The following HPN variants were observed in gnomAD, a reference collection of about 807,000 sequenced individuals.
HPN encodes serine protease hepsin.
In HPN, 13 loss-of-function variants were observed where a neutral mutation model predicts 55.9. The observed-to-expected ratio is 0.23, with a 90% CI of 0.15 to 0.37. The LOEUF (loss-of-function observed/expected upper bound fraction) is 0.37. Among genes scored for constraint, HPN ranks in the 10% least tolerant of loss-of-function variants. HPN has a pLI of 1.00. For synonymous variants in HPN, 225 were observed against 240.3 expected (o/e 0.94, Z 0.59); for missense variants, 451 against 575.8 (o/e 0.78, Z 2.22).
intron 2 of HPN, among the ~76,000 whole-genome samples, chr19:35,044,484 G>A (rs904706527): frequency 1.3e-5 from 2 of 152,188 alleles, no homozygotes; most frequent in Non-Finnish European, 2.9e-5. Flanking sequence ...GCAGGGGTGG[G>A]ACTGTTTTGG....
upstream of HPN, chr19:35,041,550 G>T: frequency 1.2e-6 from 1 of 852,696 alleles, no homozygotes; most frequent in Non-Finnish European, 1.4e-6. Context: ...CCCGCAGACA[G>T]GCACACCTGG....
intron 2 of HPN, among the ~76,000 whole-genome samples, chr19:35,045,697 ACC>A (rs2064335147): frequency 1.4e-5 from 2 of 147,170 alleles, no homozygotes; most frequent in Non-Finnish European, 3.0e-5. Flanking sequence ...TGCGTCCCAC[ACC>A]CTGGGCCAGA....
At chr19:35,053,219 C>T (rs996432494) in intron 4 of HPN, among the ~76,000 whole-genome samples, 14 of 152,032 alleles carry the variant, frequency 9.2e-5, no homozygotes, top group African/African-American at 2.9e-4. Context: ...ATGTTCTCTC[C>T]CCACTCCCAT....
At chr19:35,054,265 A>G (rs2151760433) in intron 4 of HPN, among the ~76,000 whole-genome samples, 2 of 152,280 alleles carry the variant, frequency 1.3e-5, no homozygotes, top group Middle Eastern at 6.8e-3. Context: ...TAAGAACACA[A>G]AAGTTAGCCA....
intron 9 of HPN, among the ~76,000 whole-genome samples, chr19:35,061,322 T>C (rs958483056): frequency 6.6e-6 from 1 of 150,902 alleles, no homozygotes. Flanking sequence ...ATGGTGAAAC[T>C]CCATCTCTAC....
In HPN at chr19:35,041,804, C is replaced by T. The variant is rs1421639014; in HGVS notation, c.-123C>T. The T allele has an allele frequency of 3.0e-6, 4 of 1,335,430 alleles. No homozygotes were observed. The highest frequency in any genetic ancestry group is 3.9e-6 in the Non-Finnish European group (4 of 1,014,880). The allele number at this position is 1,335,430 out of a possible 1,614,324, so 82.7% of individuals were successfully genotyped here. ...CTGCTGCGGGGCCACCATGCTCCTG[C>T]CCAGGCCTGGAGACTGACCCGACCC... On this transcript the variant is annotated 5_prime_UTR_variant, in exon 1 of 13. Coordinates refer to ENST00000672452, the MANE Select transcript of HPN (RefSeq NM_001384133.1).
intron 2 of HPN, among the ~76,000 whole-genome samples, chr19:35,048,373 G>A (rs1363608054): frequency 1.3e-5 from 2 of 152,222 alleles, no homozygotes; most frequent in Non-Finnish European, 2.9e-5. Flanking sequence ...ATAGTTGTGG[G>A]ATTGAAATAA....
Position 35,060,415 on chromosome 19 carries a change from C to T in HPN, c.523C>T (p.Pro175Ser). 1 of 1,613,162 alleles carries T rather than the reference C, an allele frequency of 6.2e-7. No individual in the cohort carries two copies. The highest frequency in any genetic ancestry group is 1.3e-5 in the African/African-American group (1 of 75,064). Residue 175 changes from proline (P) to serine (S), a missense_variant, in exon 8 of 13, where the codon CCG becomes TCG. Physicochemically the swap from Pro to Ser is moderately conservative, Grantham distance 74. Transcript: ENST00000672452. ...CCGGGACACCAGCTTGGGCCGGTGG[C>T]CGTGGCAAGTCAGCCTTCGCTATGA... Reference protein sequence around the residue: ...GGRDTSLGRWPWQVSLRYDGA... With the variant: ...GGRDTSLGRWSWQVSLRYDGA...
At chr19:35,045,466 C>T (rs115113395) in intron 2 of HPN, among the ~76,000 whole-genome samples, 1,723 of 152,152 alleles carry the variant, frequency 0.011, 17 homozygotes, top group Middle Eastern at 0.037. Context: ...AGGTGTTACG[C>T]GTGGGGGTCT....
Position 35,060,805 on chromosome 19 carries a change from C to A in HPN, c.799C>A (p.Leu267Met). Reference protein sequence around the residue: ...DIALVHLSSPLPLTEYIQPVC... With the variant: ...DIALVHLSSPMPLTEYIQPVC... ...TGCCCTGGTCCACCTCTCCAGTCCCCTGCCCCTCACAGGTAAGTCTAAGGG... is the reference window on the plus strand; with the variant it reads ...TGCCCTGGTCCACCTCTCCAGTCCCATGCCCCTCACAGGTAAGTCTAAGGG... The change falls in exon 9 of 13, where the codon CTG becomes ATG. Residue 267 changes from leucine (L) to methionine (M), a missense_variant. Coordinates refer to ENST00000672452, the MANE Select transcript of HPN (RefSeq NM_001384133.1). 6.3e-7 allele frequency: 1 copy of A among 1,583,028 alleles called. No homozygotes were observed.
intron 4 of HPN, among the ~76,000 whole-genome samples, chr19:35,049,776 T>G (rs74734353): frequency 4.7e-5 from 7 of 149,218 alleles, no homozygotes; most frequent in Non-Finnish European, 7.4e-5. Flanking sequence ...GAAAACCATG[T>G]TTTTTTTTTA....
At position 35,060,430 on chromosome 19, in the gene HPN, C is replaced by T. The variant is rs1208026198; in HGVS notation, c.538C>T (p.Leu180Phe). The change falls in exon 8 of 13, where the codon CTT becomes TTT. Residue 180 changes from leucine (L) to phenylalanine (F), a missense_variant. Coordinates refer to ENST00000672452, the MANE Select transcript of HPN (RefSeq NM_001384133.1). The stretch of plus-strand genomic sequence containing the variant: ...GGGCCGGTGGCCGTGGCAAGTCAGC[C>T]TTCGCTATGATGGAGCACACCTCTG... ...SLGRWPWQVS[L>F]RYDGAHLCGG... 1.9e-6 allele frequency: 3 copies of T among 1,613,272 alleles called. No individual in the cohort carries two copies. Among genetic ancestry groups the T allele is most frequent in the Non-Finnish European group, 2.5e-6 (3 of 1,179,998 alleles).
At chr19:35,053,555 G>A (rs1266159944) in intron 4 of HPN, among the ~76,000 whole-genome samples, 1 of 152,108 alleles carries the variant, frequency 6.6e-6, no homozygotes, top group Non-Finnish European at 1.5e-5. Flanking sequence ...GACCAGCCTG[G>A]CCAACATGGC....
At chr19:35,056,670 G>A (rs909650924) in intron 4 of HPN, among the ~76,000 whole-genome samples, 3 of 152,022 alleles carry the variant, frequency 2.0e-5, no homozygotes, top group Non-Finnish European at 1.5e-5. Context: ...GACATTTTAT[G>A]GCCATCTGTC....
At chr19:35,060,558 G>T (rs2064518453) in intron 8 of HPN, 46 bp downstream of exon 8, 2 of 1,611,856 alleles carry the variant, frequency 1.2e-6, no homozygotes, top group African/African-American at 1.3e-5. Flanking sequence ...CAGAGGAGCG[G>T]AGAGACAGTG....
chr19:35,065,203 G>C (rs755983391), intron 9 of HPN, 47 bp from the exon 10 acceptor site: 1 of 1,394,184 alleles, frequency 7.2e-7, no homozygotes, highest in East Asian at 2.3e-5. Context: ...GTTTGTACCA[G>C]GTGGGGCAGG....
chr19:35,044,224 G>T (rs927834969), intron 2 of HPN, among the ~76,000 whole-genome samples: 4 of 152,230 alleles, frequency 2.6e-5, no homozygotes, highest in African/African-American at 9.7e-5. Context: ...GGCTGCAGCG[G>T]CTGCTGTTGT....
intron 4 of HPN, among the ~76,000 whole-genome samples, chr19:35,055,287 C>T (rs1414361764): frequency 1.4e-4 from 21 of 151,946 alleles, no homozygotes; most frequent in Non-Finnish European, 2.9e-5. Flanking sequence ...GTCCTAGCTA[C>T]TTGGGAGGTT....
intron 9 of HPN, among the ~76,000 whole-genome samples, chr19:35,063,642 G>C (rs1420617743): frequency 2.0e-5 from 3 of 152,334 alleles, no homozygotes; most frequent in Non-Finnish European, 4.4e-5. Flanking sequence ...CCAGGAGGTG[G>C]AGGTTGCAGT....
Sources: allele counts gnomAD v4.1 joint callset (sites outside exome capture counted in the v4.1 genomes callset), GRCh38; gene constraint gnomAD v4.1.1; transcripts MANE v1.5; gene names NCBI Gene and HGNC (gene_info 2026-07-23, HGNC 2026-07-21).